The following SNAP47 variants were observed in gnomAD, a reference collection of about 807,000 sequenced individuals.
The protein encoded by SNAP47 is synaptosome associated protein 47, also known as synaptosomal-associated protein 47.
Under a neutral mutation model 31.4 loss-of-function variants are expected in SNAP47, and 20 were observed. The observed-to-expected ratio is 0.64, with a 90% CI of 0.45 to 0.93. The LOEUF (loss-of-function observed/expected upper bound fraction) is 0.93. Ranked by LOEUF, SNAP47 falls within the 40% of genes least tolerant of loss-of-function variation. The probability of loss-of-function intolerance (pLI) is 0.00; values close to 1 mark genes in which losing one functional copy is unlikely to be tolerated. For synonymous variants in SNAP47, 194 were observed against 213.4 expected (o/e 0.91, Z 0.79); for missense variants, 492 against 528.5 (o/e 0.93, Z 0.68).
intron 4 of SNAP47, 64 bp downstream of exon 4, chr1:227,767,147 C>A: frequency 6.3e-7 from 1 of 1,589,948 alleles, no homozygotes; most frequent in South Asian, 1.1e-5. Flanking sequence ...GGCTGCTCCT[C>A]TTGCCTTTCT....
intron 1 of SNAP47, among the ~76,000 whole-genome samples, chr1:227,744,351 A>G (rs1571994597): frequency 1.3e-5 from 2 of 152,138 alleles, no homozygotes; most frequent in East Asian, 3.9e-4. Flanking sequence ...ATTGGCATGT[A>G]TGCATGTCTG....
intron 2 of SNAP47, 23 bp from the exon 3 acceptor site, chr1:227,758,972 C>T (rs1400182447): frequency 6.4e-7 from 1 of 1,557,498 alleles, no homozygotes. Flanking sequence ...ATCCAGTTTT[C>T]CATGTTTTGT....
upstream of SNAP47, chr1:227,732,295 G>C: frequency 7.1e-7 from 1 of 1,412,012 alleles, no homozygotes; most frequent in Non-Finnish European, 9.8e-7. Context: ...ACAGGGGTGG[G>C]CCCCAGGTCA....
At position 227,735,452 on chromosome 1, in the gene SNAP47, CG is replaced by C. The variant is rs1183393071; in HGVS notation, c.-91del. The C allele has an allele frequency of 1.7e-5, 25 of 1,443,394 alleles. No homozygotes were observed. Among genetic ancestry groups the C allele is most frequent in the Non-Finnish European group, 2.0e-5 (22 of 1,109,298 alleles). The allele number at this position is 1,443,394 out of a possible 1,614,324, so 89.4% of individuals were successfully genotyped here. A position where few individuals can be genotyped will look rare whatever the true frequency, so the allele number is the denominator to read the frequency against. On this transcript the variant is annotated 5_prime_UTR_variant, in exon 1 of 5. Coordinates refer to ENST00000617596, the MANE Select transcript of SNAP47 (RefSeq NM_053052.4). Reference sequence around the variant, plus strand: ...CGGTCTTCACTGCGCAGGCGCCGAGCGGCCGAGGCGCCGCGGTCGGCTCTGG... The same window carrying C: ...CGGTCTTCACTGCGCAGGCGCCGAGCGCCGAGGCGCCGCGGTCGGCTCTGG...
intron 4 of SNAP47, among the ~76,000 whole-genome samples, chr1:227,774,110 A>G (rs937774984): frequency 2.0e-5 from 3 of 152,144 alleles, no homozygotes; most frequent in Non-Finnish European, 4.4e-5. Flanking sequence ...CCCATCTCCC[A>G]GCCTGTGGCC....
Position 227,780,666 on chromosome 1 carries a change from T to G in SNAP47, c.1253T>G (p.Leu418Arg). Reference protein sequence around the residue: ...IDKHNRRMKRLT With the variant: ...IDKHNRRMKRRT ...AAGCACAACAGGCGGATGAAGAGGCTGACCTAGGGGCAGAACGTCCCTGCA... is the reference window on the plus strand; with the variant it reads ...AAGCACAACAGGCGGATGAAGAGGCGGACCTAGGGGCAGAACGTCCCTGCA... The change falls in exon 5 of 5, where the codon CTG (leucine) becomes CGG (arginine). Residue 418 changes from leucine to arginine, a missense_variant. Physicochemically the swap from Leu to Arg is moderately radical, Grantham distance 102. Transcript: ENST00000617596. 6.2e-7 allele frequency: 1 copy of G among 1,614,108 alleles called. No homozygotes were observed. Among genetic ancestry groups the G allele is most frequent in the Non-Finnish European group, 8.5e-7 (1 of 1,179,988 alleles).
rs142579083 is a variant in SNAP47 at position 227,762,492 on chromosome 1, G to C, written c.988+3007G>C. 5.9e-5 allele frequency among the ~76,000 whole-genome samples: 9 copies of C among 152,326 alleles called. No individual in the cohort carries two copies. The highest frequency in any genetic ancestry group is 2.0e-4 in the Admixed American group (3 of 15,306). On this transcript the variant is annotated intron_variant, in intron 3 of 4. Coordinates refer to ENST00000617596, the MANE Select transcript of SNAP47 (RefSeq NM_053052.4). This position sits in a 1 kb window ranked among gnomAD's most constrained non-coding sequence, Gnocchi z 4.2. ...ACAGGGACTCTGTGCCAGCTTCCCT[G>C]TGTTTACTGCTCTCAGCTGGAAACT...
intron 2 of SNAP47, among the ~76,000 whole-genome samples, chr1:227,756,491 C>T (rs920601543): frequency 5.3e-5 from 8 of 152,246 alleles, no homozygotes; most frequent in Non-Finnish European, 1.0e-4. Context: ...TGACCAGGTG[C>T]CACTTTGATA....
In SNAP47 at chr1:227,759,275, G is replaced by T. The variant is rs1419072779; in HGVS notation, c.778G>T (p.Val260Phe). The T allele has an allele frequency of 3.1e-6, 5 of 1,614,224 alleles. No homozygotes were observed. Among genetic ancestry groups the T allele is most frequent in the Non-Finnish European group, 2.5e-6 (3 of 1,180,056 alleles). The change falls in exon 3 of 5, where the codon GTC (valine) becomes TTC (phenylalanine). Residue 260 changes from valine to phenylalanine, a missense_variant. Physicochemically the swap from Val to Phe is conservative, Grantham distance 50. Transcript: ENST00000617596. Reference protein sequence around the residue: ...FEREDVDDIKVHSPYEISIRQ... With the variant: ...FEREDVDDIKFHSPYEISIRQ... Reference sequence around the variant, plus strand: ...AAGAGAAGACGTGGACGACATCAAGGTCCACTCACCTTACGAAATTAGCAT... The same window carrying T: ...AAGAGAAGACGTGGACGACATCAAGTTCCACTCACCTTACGAAATTAGCAT...
chr1:227,732,583 C>T, upstream of SNAP47: 2 of 1,613,502 alleles, frequency 1.2e-6, no homozygotes, highest in Non-Finnish European at 1.7e-6. Context: ...TCAGCGGCTG[C>T]CTCCCTCAGG....
At chr1:227,768,232 CTCG>C in intron 4 of SNAP47, 2 of 978,068 alleles carry the variant, frequency 2.0e-6, no homozygotes, top group Non-Finnish European at 2.4e-6. Context: ...CAGCTTCCGT[CTCG>C]TCTTCCCCTA....
chr1:227,735,734 G>T, intron 1 of SNAP47: 1 of 981,760 alleles, frequency 1.0e-6, no homozygotes, highest in African/African-American at 1.7e-5. Context: ...GAGAACGGTG[G>T]GACCCAGAGG....
chr1:227,737,050 T>A (rs1314541436), intron 1 of SNAP47, among the ~76,000 whole-genome samples: 1 of 152,326 alleles, frequency 6.6e-6, no homozygotes, highest in Non-Finnish European at 1.5e-5. Flanking sequence ...AGGCCCTGGA[T>A]TGGGTTGAAG....
chr1:227,736,018 G>A lies in SNAP47; in HGVS notation c.-46+519G>A, dbSNP rs41270165. ...GATGGGGACATTGAGGACCTGGAGG[G>A]GACAGTGGGGATTTGGAGGGGACGG... On this transcript the variant is annotated intron_variant, in intron 1 of 4. Transcript: ENST00000617596. Among the ~76,000 whole-genome samples the A allele has an allele frequency of 4.7e-3, 714 of 151,914 alleles. 1 individual carries two copies. The highest frequency in any genetic ancestry group is 0.014 in the Middle Eastern group (4 of 288).
At chr1:227,734,832 C>T (rs183479449), upstream of SNAP47, 4 of 1,613,084 alleles carry the variant, frequency 2.5e-6, no homozygotes, top group African/African-American at 1.3e-5. Context: ...ATGAAAGGCA[C>T]GGTCCATGCC....
upstream of SNAP47, chr1:227,733,981 G>A: frequency 8.1e-6 from 13 of 1,613,952 alleles, no homozygotes; most frequent in Non-Finnish European, 1.1e-5. Flanking sequence ...CATTCAGCCA[G>A]TCGGACGAGA....
intron 2 of SNAP47, among the ~76,000 whole-genome samples, chr1:227,752,304 C>T (rs1274143678): frequency 1.3e-5 from 2 of 152,094 alleles, no homozygotes; most frequent in Admixed American, 1.3e-4. Flanking sequence ...TGGCAGATTT[C>T]AAGTGTACTA....
chr1:227,776,698 T>C (rs1111046), intron 4 of SNAP47: 583,024 of 985,328 alleles, frequency 0.59, 175,340 homozygotes, highest in African/African-American at 0.86. Context: ...AATCTGGACC[T>C]GCACTCCAGG....
At position 227,741,979 on chromosome 1, in the gene SNAP47, A is replaced by G. The variant is rs1352602671; in HGVS notation, c.-45-5713A>G. Reference sequence around the variant, plus strand: ...TGTGATAATGAGAAGAGCCTTGGTTATTCATGTCCTAATTTTTTGGTCTTT... The same window carrying G: ...TGTGATAATGAGAAGAGCCTTGGTTGTTCATGTCCTAATTTTTTGGTCTTT... On this transcript the variant is annotated intron_variant, in intron 1 of 4. Coordinates refer to ENST00000617596, the MANE Select transcript of SNAP47 (RefSeq NM_053052.4). The surrounding 1 kb of genome is among the most constrained non-coding windows in gnomAD (Gnocchi z 4.2). Among the ~76,000 whole-genome samples the G allele has an allele frequency of 6.6e-6, 1 of 151,190 alleles. No individual in the cohort carries two copies. Among genetic ancestry groups the G allele is most frequent in the Non-Finnish European group, 1.5e-5 (1 of 67,644 alleles).
Sources: gnomAD v4.1 joint callset for allele counts (sites outside exome capture counted in the v4.1 genomes callset) on GRCh38, gnomAD v4.1.1 for gene constraint, Gnocchi (gnomAD v3.1) non-coding constraint, MANE v1.5 for transcripts, NCBI Gene and HGNC (gene_info 2026-07-23, HGNC 2026-07-21) for gene names.